The following TMTC2 variants were observed in gnomAD, a reference collection of about 807,000 sequenced individuals.
TMTC2 encodes the protein protein O-mannosyl-transferase TMTC2.
TMTC2 carries 43 observed loss-of-function variants against 82.4 expected under a neutral mutation model. The observed-to-expected ratio is 0.52, with a 90% CI of 0.41 to 0.67. TMTC2 has a LOEUF of 0.67. Ranked by LOEUF, TMTC2 falls within the 30% of genes least tolerant of loss-of-function variation. The probability of loss-of-function intolerance (pLI) is 0.00; values close to 1 mark genes in which losing one functional copy is unlikely to be tolerated. For synonymous variants in TMTC2, 408 were observed against 381.9 expected (o/e 1.07, Z -0.80); for missense variants, 919 against 1,012.4 (o/e 0.91, Z 1.25).
chr12:82,744,361 T>TG (rs1479822134), intron 1 of TMTC2, among the ~76,000 whole-genome samples: 1 of 152,166 alleles, frequency 6.6e-6, no homozygotes, highest in Non-Finnish European at 1.5e-5. Context: ...AGGCAGAGGT[T>TG]GCAGTGAGCC....
chr12:83,119,435 C>T lies in TMTC2; in HGVS notation c.2332-12775C>T, dbSNP rs556820215. Among the ~76,000 whole-genome samples, 46 of 152,036 alleles carry T rather than the reference C, an allele frequency of 3.0e-4. No homozygotes were observed. The Middle Eastern group carries it at 0.014, about 45-fold the overall frequency. On this transcript the variant is annotated intron_variant, in intron 11 of 11. Transcript: ENST00000321196. ...ATTCAGGATCAGGTTATTTAATTTC[C>T]GTGTATTTGCATGGTTCTGAAGGTT... is the stretch of plus-strand genomic sequence containing the variant.
At chr12:83,063,522 C>G (rs1226036276) in intron 11 of TMTC2, among the ~76,000 whole-genome samples, 1 of 151,880 alleles carries the variant, frequency 6.6e-6, no homozygotes, top group Non-Finnish European at 1.5e-5. Context: ...TTTCTCACAA[C>G]AACCCACAGA....
rs546123661 is a variant in TMTC2 at position 83,094,194 on chromosome 12, A to C, written c.2331+32363A>C. Among the ~76,000 whole-genome samples, 206 of 152,328 alleles carry C rather than the reference A, an allele frequency of 1.4e-3. 2 individuals are homozygous for C. Among genetic ancestry groups the C allele is most frequent in the African/African-American group, 4.7e-3 (196 of 41,580 alleles). On this transcript the variant is annotated intron_variant, in intron 11 of 11. Coordinates refer to ENST00000321196, the MANE Select transcript of TMTC2 (RefSeq NM_152588.3). ...CATCCGCGTATGCCCTGGGGGCACC[A>C]AGTATGGTTAGGCCAGTCAGTTGAG...
chr12:83,104,180 G>A (rs949321149), intron 11 of TMTC2, among the ~76,000 whole-genome samples: 1 of 152,210 alleles, frequency 6.6e-6, no homozygotes, highest in Non-Finnish European at 1.5e-5. Context: ...GTTCTCACAG[G>A]TCTTTGAGTA....
rs186965387 is a variant in TMTC2 at position 82,994,147 on chromosome 12, T to G, written c.2070+8101T>G. Among the ~76,000 whole-genome samples, 1,030 of 152,286 alleles carry G rather than the reference T, an allele frequency of 6.8e-3. 14 individuals carry two copies. The highest frequency in any genetic ancestry group is 0.024 in the African/African-American group (978 of 41,558). Reference sequence around the variant, plus strand: ...ATTAACTCCCCAGGGGTCCACACATTTTTAAAATTTTATTTTTTATATTTT... The same window carrying G: ...ATTAACTCCCCAGGGGTCCACACATGTTTAAAATTTTATTTTTTATATTTT... On this transcript the variant is annotated intron_variant, in intron 8 of 11. Transcript: ENST00000321196.
intron 4 of TMTC2, among the ~76,000 whole-genome samples, chr12:82,937,738 G>GTGTGGA (rs1555199181): frequency 1.1e-5 from 1 of 93,462 alleles, no homozygotes; most frequent in African/African-American, 4.1e-5. Context: ...GGATGTGTGT[G>GTGTGGA]TGTGTGTGTG....
chr12:82,702,644 A>C (rs1301422652), intron 1 of TMTC2, among the ~76,000 whole-genome samples: 1 of 152,196 alleles, frequency 6.6e-6, no homozygotes, highest in Non-Finnish European at 1.5e-5. Flanking sequence ...TAAACAGAAG[A>C]AGCCAGGTGT....
At chr12:83,076,681 C>T (rs750664596) in intron 11 of TMTC2, among the ~76,000 whole-genome samples, 15 of 152,284 alleles carry the variant, frequency 9.9e-5, no homozygotes, top group African/African-American at 1.4e-4. Context: ...CAGCTTCCTC[C>T]GTTTCTATTA....
chr12:82,998,273 G>GGAAGTGCCAATGAGGTCAACATTTT (rs1879756550), intron 8 of TMTC2, among the ~76,000 whole-genome samples: 1 of 152,118 alleles, frequency 6.6e-6, no homozygotes. Flanking sequence ...AAATCAGCAT[G>GGAAGTGCCAATGAGGTCAACATTTT]GAAGTGCCAA....
rs75316863 is a variant in TMTC2, at chr12:82,931,972, T to A, written c.1598+1427T>A. Among the ~76,000 whole-genome samples the A allele has an allele frequency of 4.5e-3, 685 of 152,178 alleles. 4 individuals are homozygous for A. Among genetic ancestry groups the A allele is most frequent in the Middle Eastern group, 0.027 (8 of 294 alleles). On this transcript the variant is annotated intron_variant, in intron 4 of 11. Coordinates refer to ENST00000321196, the MANE Select transcript of TMTC2 (RefSeq NM_152588.3). ...TTGGAATGGAATGGAGGCAAAACAG[T>A]TCTCTATAGGAAGATGACTGATCCT...
intron 11 of TMTC2, among the ~76,000 whole-genome samples, chr12:83,117,480 A>G (rs530842611): frequency 6.6e-6 from 1 of 152,232 alleles, no homozygotes; most frequent in East Asian, 1.9e-4. Context: ...GCAAGTCAAT[A>G]ACTTTATTGA....
chr12:82,777,368 A>G (rs1029669479), intron 1 of TMTC2, among the ~76,000 whole-genome samples: 2 of 152,132 alleles, frequency 1.3e-5, no homozygotes, highest in Non-Finnish European at 2.9e-5. Context: ...TCTTTAAAAC[A>G]TTTCTATTGG....
rs147965367 is a variant in TMTC2 at position 83,085,404 on chromosome 12, A to C, written c.2331+23573A>C. Among the ~76,000 whole-genome samples, 680 of 152,322 alleles carry C rather than the reference A, an allele frequency of 4.5e-3. 7 individuals are homozygous for C. Among genetic ancestry groups the C allele is most frequent in the African/African-American group, 0.015 (639 of 41,568 alleles). Reference sequence around the variant, plus strand: ...TTAATTGCAGTCAGAGACAGTTTTCATCATGCTACAAACCATTTTACATCC... The same window carrying C: ...TTAATTGCAGTCAGAGACAGTTTTCCTCATGCTACAAACCATTTTACATCC... On this transcript the variant is annotated intron_variant, in intron 11 of 11. Transcript: ENST00000321196.
chr12:82,914,315 C>CT (rs1874868340), intron 3 of TMTC2, among the ~76,000 whole-genome samples: 1 of 151,768 alleles, frequency 6.6e-6, no homozygotes, highest in Non-Finnish European at 1.5e-5. Flanking sequence ...CTCATCATTT[C>CT]TTTTTTTTAA....
At chr12:82,917,838 G>A (rs573328228) in intron 3 of TMTC2, among the ~76,000 whole-genome samples, 3 of 151,234 alleles carry the variant, frequency 2.0e-5, no homozygotes, top group South Asian at 4.2e-4. Context: ...TCCTGACCTC[G>A]TGATCCACCC....
chr12:82,952,009 T>TA (rs1205065829), intron 4 of TMTC2, among the ~76,000 whole-genome samples: 1 of 152,196 alleles, frequency 6.6e-6, no homozygotes, highest in Non-Finnish European at 1.5e-5. Context: ...TAAGATAACC[T>TA]AAAAGTCACA....
At chr12:83,032,669 C>G (rs1321966728) in intron 9 of TMTC2, among the ~76,000 whole-genome samples, 4 of 152,078 alleles carry the variant, frequency 2.6e-5, no homozygotes, top group African/African-American at 7.2e-5. Context: ...CTCAGCCTCA[C>G]AAATAGCTGG....
chr12:82,900,773 TATATATATAGGAATATATATACCTGGA>T (rs1873954097), intron 3 of TMTC2, among the ~76,000 whole-genome samples: 1 of 108,660 alleles, frequency 9.2e-6, no homozygotes, highest in Non-Finnish European at 2.1e-5. Context: ...TATAGAGAGG[TATATATATAGGAATATATATACCTGGA>T]ATATATATAT....
chr12:82,871,545 A>C (rs1302217050), intron 2 of TMTC2, among the ~76,000 whole-genome samples: 1 of 152,176 alleles, frequency 6.6e-6, no homozygotes, highest in Non-Finnish European at 1.5e-5. Flanking sequence ...ATAACTGTAT[A>C]ACTCTGTGCT....
Sources: allele counts gnomAD v4.1 joint callset (sites outside exome capture counted in the v4.1 genomes callset), GRCh38; gene constraint gnomAD v4.1.1; transcripts MANE v1.5; gene names NCBI Gene and HGNC (gene_info 2026-07-23, HGNC 2026-07-21).